Variants in NIN observed in about 807,000 individuals in gnomAD.
NIN encodes ninein.
In NIN, 137 loss-of-function variants were observed where a neutral mutation model predicts 257.6. The ratio of observed to expected loss-of-function variants is 0.53; its 90% confidence interval spans 0.46 to 0.61. The LOEUF (loss-of-function observed/expected upper bound fraction) is 0.61, where lower values mean the gene tolerates loss of function less well. Ranked by LOEUF, NIN falls within the 20% of genes least tolerant of loss-of-function variation. NIN has a pLI of 0.00. For missense variants in NIN, 2,439 were observed against 2,501.2 expected (o/e 0.98, Z 0.53); for synonymous variants, 918 against 919.8 (o/e 1.00, Z 0.04).
Position 50,812,279 on chromosome 14 carries a change from T to G in NIN, c.184-5461A>C, listed in dbSNP as rs115519110. Among the ~76,000 whole-genome samples the G allele has an allele frequency of 3.1e-3, 468 of 152,234 alleles. 2 individuals are homozygous for G. Among genetic ancestry groups the G allele is most frequent in the African/African-American group, 0.011 (446 of 41,532 alleles). ...GAGACCCTACCTCAAAATTGAAAGG[T>G]GAGAGGTAGAAAAAGCATGCACCAG... is the stretch of plus-strand genomic sequence containing the variant. On this transcript the variant is annotated intron_variant, in intron 3 of 30. Transcript: ENST00000530997.
intron 11 of NIN, 32 bp downstream of exon 11, chr14:50,770,820 G>A (rs1177882004): frequency 6.3e-7 from 1 of 1,599,862 alleles, no homozygotes; most frequent in Non-Finnish European, 8.5e-7. Context: ...CAGGGTGGTG[G>A]GTGAGGAGGA....
intron 3 of NIN, among the ~76,000 whole-genome samples, chr14:50,809,548 G>A (rs2142243011): frequency 6.6e-6 from 1 of 152,314 alleles, no homozygotes; most frequent in African/African-American, 2.4e-5. Flanking sequence ...GAAGATTTCA[G>A]ATTCTTTAAC....
intron 3 of NIN, among the ~76,000 whole-genome samples, chr14:50,811,686 G>A (rs2044622569): frequency 1.3e-5 from 2 of 151,212 alleles, no homozygotes; most frequent in Admixed American, 1.3e-4. Flanking sequence ...GATTGCCTGA[G>A]CTCAGGAGTT....
chr14:50,765,209 C>A (rs1021465912), intron 14 of NIN, among the ~76,000 whole-genome samples: 2 of 152,054 alleles, frequency 1.3e-5, no homozygotes, highest in African/African-American at 4.8e-5. Context: ...CGTACTCCAG[C>A]CTGGGTGACA....
At chr14:50,738,354 T>C (rs1173662289) in intron 26 of NIN, 68 bp from the exon 27 acceptor site, 15 of 1,423,874 alleles carry the variant, frequency 1.1e-5, no homozygotes, top group Admixed American at 5.7e-5. Context: ...ACAACAAACA[T>C]AGGGAAAGTT....
chr14:50,734,054 T>A (rs138472117), intron 28 of NIN, among the ~76,000 whole-genome samples: 4 of 152,142 alleles, frequency 2.6e-5, no homozygotes, highest in African/African-American at 9.6e-5. Flanking sequence ...AAGAAAATAC[T>A]TAAATAGCTC....
intron 4 of NIN, among the ~76,000 whole-genome samples, chr14:50,801,474 T>G (rs1162618555): frequency 6.6e-6 from 1 of 152,228 alleles, no homozygotes; most frequent in Non-Finnish European, 1.5e-5. Flanking sequence ...GACTAAGTTC[T>G]TACTTACCTT....
At chr14:50,773,453 A>G (rs1278078452) in intron 7 of NIN, among the ~76,000 whole-genome samples, 3 of 152,240 alleles carry the variant, frequency 2.0e-5, no homozygotes, top group Admixed American at 6.5e-5. Flanking sequence ...TCCCAGTGTC[A>G]TAACAGTAGA....
intron 7 of NIN, 52 bp downstream of exon 7, chr14:50,776,897 C>G: frequency 6.6e-7 from 1 of 1,505,510 alleles, no homozygotes; most frequent in Non-Finnish European, 9.0e-7. Flanking sequence ...AGCATGTGGT[C>G]AACTACACTT....
chr14:50,760,165 A>C lies in NIN; in HGVS notation c.2091T>G (p.His697Gln). The change falls in exon 17 of 31, where the codon CAT becomes CAG. Residue 697 changes from histidine (H) to glutamine (Q), a missense_variant. This residue lies in a region of NIN where 2,043 missense variants were observed against 2,050.2 expected (regional missense o/e 1.00). Coordinates refer to ENST00000530997, the MANE Select transcript of NIN (RefSeq NM_020921.4). ...KEAHHEATCR[H>Q]EEEKKQLQVK... is the part of the protein sequence containing the mutation. ...CTTGCAGTTGTTTTTTCTCCTCCTCATGCCTGCAAGTGGCCTCATGATGTG... is the reference window on the plus strand; with the variant it reads ...CTTGCAGTTGTTTTTTCTCCTCCTCCTGCCTGCAAGTGGCCTCATGATGTG... The C allele has an allele frequency of 6.2e-7, 1 of 1,613,912 alleles. No homozygotes were observed.
intron 4 of NIN, among the ~76,000 whole-genome samples, chr14:50,793,876 A>G (rs2043712551): frequency 6.6e-6 from 1 of 152,248 alleles, no homozygotes; most frequent in Non-Finnish European, 1.5e-5. Flanking sequence ...TCAGAATAAA[A>G]TGTTTCATTA....
chr14:50,802,521 T>C (rs901578560), intron 4 of NIN, among the ~76,000 whole-genome samples: 5 of 152,196 alleles, frequency 3.3e-5, no homozygotes, highest in African/African-American at 1.2e-4. Flanking sequence ...TACAACTGCC[T>C]TTTATTAGGA....
At chr14:50,731,271 T>C (rs1258690659) in intron 28 of NIN, among the ~76,000 whole-genome samples, 1 of 152,178 alleles carries the variant, frequency 6.6e-6, no homozygotes, top group Non-Finnish European at 1.5e-5. Context: ...GGCTCATGCC[T>C]GTAATCCCAA....
At chr14:50,756,417 C>T (rs1009343334) in intron 18 of NIN, 75 bp downstream of exon 18, 52 of 1,480,454 alleles carry the variant, frequency 3.5e-5, no homozygotes, top group Non-Finnish European at 4.7e-5. Context: ...TTTCTCTAGG[C>T]ACGGCAAGCA....
chr14:50,813,609 G>A (rs1215242258), intron 3 of NIN, among the ~76,000 whole-genome samples: 1 of 152,080 alleles, frequency 6.6e-6, no homozygotes, highest in African/African-American at 2.4e-5. Flanking sequence ...CACCACACAA[G>A]AAACAAATTC....
At chr14:50,759,549 A>G (rs960019148) in intron 17 of NIN, among the ~76,000 whole-genome samples, 22 of 150,504 alleles carry the variant, frequency 1.5e-4, no homozygotes, top group African/African-American at 5.1e-4. Flanking sequence ...GCTGGAGTGC[A>G]GTAGCGCGAT....
intron 4 of NIN, among the ~76,000 whole-genome samples, chr14:50,804,838 T>G (rs369071908): frequency 6.6e-5 from 10 of 151,632 alleles, no homozygotes; most frequent in African/African-American, 2.4e-4. Context: ...AATGTTTTAG[T>G]TTTAAGAAAG....
intron 25 of NIN, 80 bp downstream of exon 25, chr14:50,741,502 A>C: frequency 8.9e-7 from 1 of 1,124,526 alleles, no homozygotes; most frequent in East Asian, 2.6e-5. Flanking sequence ...ACATATACAC[A>C]TAAAAATAAC....
chr14:50,728,771 T>C (rs781683227), intron 29 of NIN, among the ~76,000 whole-genome samples: 1 of 152,248 alleles, frequency 6.6e-6, no homozygotes, highest in Non-Finnish European at 1.5e-5. Context: ...GAAATAACTC[T>C]GAATACTTGA....
Sources: allele counts gnomAD v4.1 joint callset (sites outside exome capture counted in the v4.1 genomes callset), GRCh38; gene constraint gnomAD v4.1.1; regional missense constraint gnomAD v4.1.1; transcripts MANE v1.5; gene names NCBI Gene and HGNC (gene_info 2026-07-23, HGNC 2026-07-21).